Variants in FAM151B observed in about 807,000 individuals in gnomAD.
The protein encoded by FAM151B is family with sequence similarity 151 member B, also known as protein FAM151B.
In FAM151B, 24 loss-of-function variants were observed where a neutral mutation model predicts 31.2. That is an observed-to-expected ratio of 0.77 (90% confidence interval 0.56 to 1.08). The LOEUF (loss-of-function observed/expected upper bound fraction) is 1.08, where lower values mean the gene tolerates loss of function less well. Ranked by LOEUF, FAM151B falls within the 50% of genes least tolerant of loss-of-function variation. The probability of loss-of-function intolerance (pLI) is 0.00; values close to 1 mark genes in which losing one functional copy is unlikely to be tolerated. For synonymous variants in FAM151B, 105 were observed against 111.4 expected, an observed-to-expected ratio of 0.94 and a Z score of 0.36; for missense variants, 293 against 328.6, an observed-to-expected ratio of 0.89 and a Z score of 0.84.
At chr5:80,532,364 T>C (rs894322698) in intron 5 of FAM151B, among the ~76,000 whole-genome samples, 1 of 151,530 alleles carries the variant, frequency 6.6e-6, no homozygotes, top group African/African-American at 2.4e-5. Context: ...AACTTAAAAG[T>C]ATAATAAAAA....
At chr5:80,500,581 T>C in intron 1 of FAM151B, 1 of 756,420 alleles carries the variant, frequency 1.3e-6, no homozygotes, top group South Asian at 1.4e-5. Flanking sequence ...TCTGTGTACC[T>C]GCAGAACCCA....
In FAM151B at chr5:80,505,749, A is replaced by ATTTTT. The variant is rs386404255; in HGVS notation, c.151+3853_151+3857dup. ...TCCCCTTTTCTTTCTTCCTATAAGA[A>ATTTTT]TTTTTTTTTTTTTTTTTTTTTTTTT... On this transcript the variant is annotated intron_variant, in intron 2 of 5. Coordinates refer to ENST00000282226, the MANE Select transcript of FAM151B (RefSeq NM_205548.3). 1.2e-3 allele frequency among the ~76,000 whole-genome samples: 90 copies of ATTTTT among 77,868 alleles called. 1 individual carries two copies. Among genetic ancestry groups the ATTTTT allele is most frequent in the African/African-American group, 2.8e-3 (48 of 17,108 alleles). The allele number at this position is 77,868 out of a possible 152,430, so 51.1% of individuals were successfully genotyped here. A position where few individuals can be genotyped will look rare whatever the true frequency, so the allele number is the denominator to read the frequency against.
At chr5:80,539,885 T>A (rs1395756874) in intron 5 of FAM151B, among the ~76,000 whole-genome samples, 1 of 151,964 alleles carries the variant, frequency 6.6e-6, no homozygotes, top group Non-Finnish European at 1.5e-5. Flanking sequence ...AACTACCACA[T>A]CTCCTTCACC....
chr5:80,498,567 C>T (rs1484346915), intron 1 of FAM151B: 2 of 1,078,090 alleles, frequency 1.9e-6, no homozygotes, highest in Non-Finnish European at 2.8e-6. Context: ...GTAAGTCAGA[C>T]AACATTTGCC....
intron 1 of FAM151B, among the ~76,000 whole-genome samples, chr5:80,494,831 G>A (rs982021714): frequency 6.6e-6 from 1 of 151,856 alleles, no homozygotes; most frequent in African/African-American, 2.4e-5. Flanking sequence ...GATTGTCAGT[G>A]TAAATAAAAC....
intron 3 of FAM151B, among the ~76,000 whole-genome samples, chr5:80,517,564 T>TTTTGTTTTTCTTA (rs11269910): frequency 0.78 from 117,843 of 151,818 alleles, 45,959 homozygotes; most frequent in African/African-American, 0.83. Context: ...TAACCGCAGA[T>TTTTGTTTTTCTTA]TTTAAGTTTC....
chr5:80,530,894 T>G (rs1733272957), intron 5 of FAM151B, among the ~76,000 whole-genome samples: 1 of 152,128 alleles, frequency 6.6e-6, no homozygotes, highest in African/African-American at 2.4e-5. Context: ...TACTTTAAAA[T>G]TCATATGGAA....
At chr5:80,533,023 T>C (rs887759019) in intron 5 of FAM151B, among the ~76,000 whole-genome samples, 1 of 152,186 alleles carries the variant, frequency 6.6e-6, no homozygotes, top group Non-Finnish European at 1.5e-5. Context: ...AGCTTATAGC[T>C]ATAAGTGCCT....
At chr5:80,497,310 A>G (rs1408179696) in intron 1 of FAM151B, among the ~76,000 whole-genome samples, 5 of 151,832 alleles carry the variant, frequency 3.3e-5, no homozygotes, top group Non-Finnish European at 7.4e-5. Context: ...AGCTGCTCAG[A>G]AGGCTGAAGC....
intron 2 of FAM151B, among the ~76,000 whole-genome samples, chr5:80,507,118 C>CAA (rs58200677): frequency 6.2e-4 from 70 of 112,308 alleles, no homozygotes; most frequent in Middle Eastern, 5.1e-3. Context: ...GACTCCATCT[C>CAA]AAAAAAAAAA....
chr5:80,513,681 C>A lies in FAM151B; in HGVS notation c.229C>A (p.Pro77Thr). ...ACACAGCCAGCCAATTATGGCCCAT[C>A]CCCCTGAAACAAACAGTGATAATAC... ...SEHSQPIMAH[P>T]PETNSDNTLQ... Residue 77 changes from proline to threonine, a missense_variant, in exon 3 of 6, where the codon CCC becomes ACC. Physicochemically the swap from Pro to Thr is conservative, Grantham distance 38 (BLOSUM62 -1). Coordinates refer to ENST00000282226, the MANE Select transcript of FAM151B (RefSeq NM_205548.3). The A allele has an allele frequency of 6.2e-7, 1 of 1,614,080 alleles. No homozygotes were observed. Among genetic ancestry groups the A allele is most frequent in the Admixed American group, 1.7e-5 (1 of 60,000 alleles).
intron 1 of FAM151B, among the ~76,000 whole-genome samples, chr5:80,488,685 T>G (rs997951527): frequency 8.5e-5 from 13 of 152,364 alleles, no homozygotes; most frequent in African/African-American, 3.1e-4. Flanking sequence ...TTCTGTAAAC[T>G]TAAGTAGTGG....
intron 5 of FAM151B, 152 bp from the exon 6 acceptor site, chr5:80,541,521 A>G: frequency 1.4e-6 from 1 of 708,216 alleles, no homozygotes; most frequent in Non-Finnish European, 2.4e-6. Context: ...TGAAAGAATG[A>G]AATATGAAAG....
intron 5 of FAM151B, among the ~76,000 whole-genome samples, chr5:80,533,285 G>A (rs1439522708): frequency 6.6e-6 from 1 of 152,096 alleles, no homozygotes. Context: ...GCTGAGGCAG[G>A]AGAATGGTGT....
chr5:80,516,315 A>T lies in FAM151B; in HGVS notation c.317+2546A>T, dbSNP rs537896557. ...CTCCAGCCTGGGCAACAAGAGTGAA[A>T]CGCCATCTCAAAAAAAAAGTATTAT... On this transcript the variant is annotated intron_variant, in intron 3 of 5. Transcript: ENST00000282226. 3.0e-3 allele frequency among the ~76,000 whole-genome samples: 460 copies of T among 152,226 alleles called. 3 individuals are homozygous for T. The highest frequency in any genetic ancestry group is 5.4e-3 in the Non-Finnish European group (367 of 68,018).
At chr5:80,527,823 A>G (rs549713657) in intron 5 of FAM151B, among the ~76,000 whole-genome samples, 48 of 152,244 alleles carry the variant, frequency 3.2e-4, no homozygotes, top group African/African-American at 1.1e-3. Flanking sequence ...ACCATATTAA[A>G]TTTATTTAAA....
rs922020256 is a variant in FAM151B at position 80,490,333 on chromosome 5, T to A, written c.25+2185T>A. Among the ~76,000 whole-genome samples the A allele has an allele frequency of 2.6e-5, 4 of 152,056 alleles. No homozygotes were observed. In the East Asian group the frequency reaches 7.7e-4, roughly 29 times the overall value. On this transcript the variant is annotated intron_variant, in intron 1 of 5. Coordinates refer to ENST00000282226, the MANE Select transcript of FAM151B (RefSeq NM_205548.3). ...ATCGCTTAAGCCGGAGAGGCTGCAGTGAACCAAGAACATGCCAGCCTGGGC... is the reference window on the plus strand; with the variant it reads ...ATCGCTTAAGCCGGAGAGGCTGCAGAGAACCAAGAACATGCCAGCCTGGGC...
At chr5:80,509,343 T>A (rs1406137332) in intron 2 of FAM151B, among the ~76,000 whole-genome samples, 3 of 152,134 alleles carry the variant, frequency 2.0e-5, no homozygotes, top group African/African-American at 7.2e-5. Flanking sequence ...GGGGTCCACC[T>A]TCATGGGTGG....
At chr5:80,503,562 C>A (rs1743828647) in intron 2 of FAM151B, among the ~76,000 whole-genome samples, 1 of 151,394 alleles carries the variant, frequency 6.6e-6, no homozygotes, top group Non-Finnish European at 1.5e-5. Context: ...GAGTGAGGAC[C>A]TTGTCTCAAA....
Sources: gnomAD v4.1 joint callset for allele counts (sites outside exome capture counted in the v4.1 genomes callset) on GRCh38, gnomAD v4.1.1 for gene constraint, MANE v1.5 for transcripts, NCBI Gene and HGNC (gene_info 2026-07-23, HGNC 2026-07-21) for gene names.